The following CSMD3 variants were observed in gnomAD, a reference collection of about 807,000 sequenced individuals.
The protein encoded by CSMD3 is CUB and sushi domain-containing protein 3.
In CSMD3, 177 loss-of-function variants were observed where a neutral mutation model predicts 435.2. That is an observed-to-expected ratio of 0.41 (90% confidence interval 0.36 to 0.46). The LOEUF (loss-of-function observed/expected upper bound fraction) is 0.46. Ranked by LOEUF, CSMD3 falls within the 20% of genes least tolerant of loss-of-function variation. The pLI is 0.34. For synonymous variants in CSMD3, 1,656 were observed against 1,520.5 expected, an observed-to-expected ratio of 1.09 and a Z score of -2.07; for missense variants, 4,265 against 4,504.6, an observed-to-expected ratio of 0.95 and a Z score of 1.52.
chr8:112,871,388 T>C (rs1049301973), intron 10 of CSMD3, among the ~76,000 whole-genome samples: 3 of 151,996 alleles, frequency 2.0e-5, no homozygotes, highest in Admixed American at 6.6e-5. Flanking sequence ...AGAAAGAAAA[T>C]ACCCAACAAT....
intron 57 of CSMD3, among the ~76,000 whole-genome samples, chr8:112,287,843 A>G (rs1819365713): frequency 6.6e-6 from 1 of 152,128 alleles, no homozygotes; most frequent in Non-Finnish European, 1.5e-5. Flanking sequence ...GTAAAAGACC[A>G]AAATTTAGAA....
intron 27 of CSMD3, among the ~76,000 whole-genome samples, chr8:112,531,907 C>T (rs1026898389): frequency 1.3e-4 from 19 of 151,966 alleles, no homozygotes; most frequent in African/African-American, 4.3e-4. Flanking sequence ...CCTTGGAGTG[C>T]CCGAGATATG....
intron 30 of CSMD3, among the ~76,000 whole-genome samples, chr8:112,495,342 T>A (rs1821232500): frequency 6.6e-6 from 1 of 152,242 alleles, no homozygotes; most frequent in Admixed American, 6.5e-5. Context: ...ATTCATCTTT[T>A]GAAAAGTTTG....
intron 9 of CSMD3, among the ~76,000 whole-genome samples, chr8:112,933,454 T>C (rs1045554267): frequency 6.6e-6 from 1 of 152,130 alleles, no homozygotes; most frequent in Non-Finnish European, 1.5e-5. Context: ...GACATGGTCT[T>C]ATATTTGCTG....
rs564877717 is a variant in CSMD3, at chr8:112,296,003, C to T, written c.8444G>A (p.Gly2815Asp). The T allele has an allele frequency of 2.1e-5, 34 of 1,611,034 alleles. No individual in the cohort carries two copies. The highest frequency in any genetic ancestry group is 1.7e-4 in the Middle Eastern group (1 of 6,002). Residue 2815 changes from glycine (G) to aspartate (D), a missense_variant, in exon 54 of 71, where the codon GGT becomes GAT. Transcript: ENST00000297405. ...WSESETRCLAGHCGIPELIVN... is the reference protein window; with the variant it reads ...WSESETRCLADHCGIPELIVN... ...AATCAGTTCTGGAATTCCACAATGA[C>T]CCGCTGAAATACGTTATAAAGTAAT...
chr8:113,138,810 A>AGT (rs34755068), intron 4 of CSMD3, among the ~76,000 whole-genome samples: 49,503 of 145,576 alleles, frequency 0.34, 8,735 homozygotes, highest in East Asian at 0.67. Flanking sequence ...TAAACGTGTT[A>AGT]GTGTGTGTGT....
chr8:112,706,785 T>C (rs143886539), intron 13 of CSMD3, among the ~76,000 whole-genome samples: 139 of 152,208 alleles, frequency 9.1e-4, no homozygotes, highest in African/African-American at 3.2e-3. Flanking sequence ...TATTATCATG[T>C]GAAATGAACT....
chr8:112,298,185 T>C (rs1019154694), intron 53 of CSMD3, among the ~76,000 whole-genome samples: 2 of 151,316 alleles, frequency 1.3e-5, no homozygotes, highest in African/African-American at 4.8e-5. Flanking sequence ...AAGGATTCAA[T>C]CCCACCAGAA....
intron 5 of CSMD3, among the ~76,000 whole-genome samples, chr8:113,091,941 TTTTCTG>T (rs1197670984): frequency 6.6e-6 from 1 of 152,044 alleles, no homozygotes; most frequent in African/African-American, 2.4e-5. Flanking sequence ...TAGTACTGCT[TTTTCTG>T]TATCACATAG....
At chr8:113,062,827 C>G (rs2088674732) in intron 5 of CSMD3, among the ~76,000 whole-genome samples, 1 of 151,524 alleles carries the variant, frequency 6.6e-6, no homozygotes, top group African/African-American at 2.4e-5. Context: ...ATGGTATAAC[C>G]TATGGTCTGG....
chr8:113,126,519 C>G (rs541533826), intron 4 of CSMD3, among the ~76,000 whole-genome samples: 1 of 151,796 alleles, frequency 6.6e-6, no homozygotes, highest in East Asian at 1.9e-4. Flanking sequence ...AAAGAATAGA[C>G]AACAAGTACC....
At chr8:113,399,106 T>TATATACAC (rs773585004) in intron 1 of CSMD3, among the ~76,000 whole-genome samples, 2,082 of 94,952 alleles carry the variant, frequency 0.022, 48 homozygotes, top group African/African-American at 0.042. Context: ...TATATATATA[T>TATATACAC]ACACACACAC....
At chr8:112,348,169 A>G (rs1230338547) in intron 40 of CSMD3, among the ~76,000 whole-genome samples, 2 of 152,212 alleles carry the variant, frequency 1.3e-5, no homozygotes, top group Admixed American at 6.5e-5. Context: ...GTTCATGTCT[A>G]TTTCCTCAGT....
In CSMD3 at chr8:112,660,252, GA is replaced by G. The variant is rs2075348395; in HGVS notation, c.2817-3912del. Among the ~76,000 whole-genome samples the G allele has an allele frequency of 3.9e-5, 6 of 152,100 alleles. 1 individual carries two copies. The highest frequency in any genetic ancestry group is 3.9e-4 in the Admixed American group (6 of 15,248). ...ATTCGATTTCTTAAAACAATCTTTA[GA>G]AAAAAATAAAGCACCAAGACATTAT... On this transcript the variant is annotated intron_variant, in intron 17 of 70. Transcript: ENST00000297405.
intron 32 of CSMD3, among the ~76,000 whole-genome samples, chr8:112,458,803 T>C (rs1267766624): frequency 6.6e-6 from 1 of 152,120 alleles, no homozygotes. Context: ...AGCTGGTGAT[T>C]GGACACTGAA....
intron 54 of CSMD3, among the ~76,000 whole-genome samples, chr8:112,294,417 T>G (rs2130703673): frequency 6.6e-6 from 1 of 152,246 alleles, no homozygotes; most frequent in Admixed American, 6.5e-5. Context: ...AATAATAATT[T>G]TAATATAAAT....
chr8:112,463,597 T>G (rs1057499869), intron 32 of CSMD3, among the ~76,000 whole-genome samples: 2 of 152,200 alleles, frequency 1.3e-5, no homozygotes, highest in Non-Finnish European at 2.9e-5. Context: ...ACATCAGATC[T>G]TTTAATAACT....
chr8:112,331,203 T>A (rs1365894849), intron 45 of CSMD3, among the ~76,000 whole-genome samples: 1 of 152,032 alleles, frequency 6.6e-6, no homozygotes, highest in Non-Finnish European at 1.5e-5. Context: ...TTTTGAGTAA[T>A]TTATCTTTCA....
intron 12 of CSMD3, among the ~76,000 whole-genome samples, chr8:112,828,813 A>C (rs1361354962): frequency 6.6e-6 from 1 of 152,160 alleles, no homozygotes; most frequent in Non-Finnish European, 1.5e-5. Context: ...CAGGGGAAAG[A>C]GGTTGAAGTT....
Sources: allele counts gnomAD v4.1 joint callset (sites outside exome capture counted in the v4.1 genomes callset), GRCh38; gene constraint gnomAD v4.1.1; transcripts MANE v1.5; gene names NCBI Gene and HGNC (gene_info 2026-07-23, HGNC 2026-07-21).